Variants in STS observed in about 807,000 individuals in gnomAD.
The protein encoded by STS is steroid sulfatase.
Under a neutral mutation model 26.8 loss-of-function variants are expected in STS, and 7 were observed. The observed-to-expected ratio is 0.26, with a 90% CI of 0.15 to 0.49. The LOEUF (loss-of-function observed/expected upper bound fraction) is 0.49. Among genes scored for constraint, STS ranks in the 20% least tolerant of loss-of-function variants. The pLI is 0.98. For missense variants in STS, 434 were observed against 465.6 expected, an observed-to-expected ratio of 0.93 and a Z score of 0.63; for synonymous variants, 199 against 189.4, an observed-to-expected ratio of 1.05 and a Z score of -0.42.
At chrX:7,192,403 A>G (rs1933892007) in intron 2 of STS, among the ~76,000 whole-genome samples, 1 of 111,823 alleles carries the variant, frequency 8.9e-6, no homozygotes, top group South Asian at 3.7e-4. Flanking sequence ...ATTTCTACTA[A>G]AAATACAAAG....
At chrX:7,158,671 G>C (rs1388475478) in intron 1 of STS, among the ~76,000 whole-genome samples, 1 of 111,762 alleles carries the variant, frequency 8.9e-6, no homozygotes, top group Non-Finnish European at 1.9e-5. Context: ...TGTGCCCTCT[G>C]TTTCAGGACC....
At chrX:7,185,768 T>C (rs1352141979) in intron 1 of STS, among the ~76,000 whole-genome samples, 1 of 112,699 alleles carries the variant, frequency 8.9e-6, no homozygotes, top group Non-Finnish European at 1.9e-5. Flanking sequence ...ATGCTTGTTA[T>C]TAGATTACTC....
At chrX:7,340,645 T>G (rs1368345866) in intron 10 of STS, among the ~76,000 whole-genome samples, 1 of 112,038 alleles carries the variant, frequency 8.9e-6, no homozygotes, top group African/African-American at 3.2e-5. Flanking sequence ...AGTTTCAGAT[T>G]TGGCTGTAAC....
At chrX:7,338,265 G>T (rs1168574024) in intron 10 of STS, among the ~76,000 whole-genome samples, 1 of 111,723 alleles carries the variant, frequency 9.0e-6, no homozygotes, top group Non-Finnish European at 1.9e-5. Flanking sequence ...ATCTTAGAGG[G>T]TAGGTGGATA....
chrX:7,272,690 G>T (rs1439765622), intron 6 of STS, among the ~76,000 whole-genome samples: 1 of 111,842 alleles, frequency 8.9e-6, no homozygotes, highest in Non-Finnish European at 1.9e-5. Context: ...TCATCCAATA[G>T]CAGAGATTTG....
chrX:7,341,794 T>C (rs920726270), intron 10 of STS, among the ~76,000 whole-genome samples: 5 of 108,006 alleles, frequency 4.6e-5, no homozygotes, highest in African/African-American at 6.7e-5. Context: ...CATCATCTCT[T>C]TTTTTTTTTA....
chrX:7,204,323 T>G (rs1209589165), intron 2 of STS, among the ~76,000 whole-genome samples: 2 of 112,256 alleles, frequency 1.8e-5, no homozygotes, highest in Non-Finnish European at 3.8e-5. Context: ...ATTTTCCTTG[T>G]GTTTAAACTT....
At chrX:7,218,364 G>A (rs1190602519) in intron 2 of STS, among the ~76,000 whole-genome samples, 1 of 112,205 alleles carries the variant, frequency 8.9e-6, no homozygotes, top group East Asian at 2.8e-4. Flanking sequence ...ATTCTTCATC[G>A]TATGCCCTTC....
intron 1 of STS, among the ~76,000 whole-genome samples, chrX:7,176,015 C>CG (rs1202834117): frequency 9.0e-6 from 1 of 111,688 alleles, no homozygotes; most frequent in Non-Finnish European, 1.9e-5. Context: ...TTCCATGTTC[C>CG]TACCTTGCCT....
At chrX:7,180,010 G>T (rs1933650373) in intron 1 of STS, among the ~76,000 whole-genome samples, 1 of 111,431 alleles carries the variant, frequency 9.0e-6, no homozygotes, top group African/African-American at 3.3e-5. Flanking sequence ...TGCATATGAA[G>T]CATAGTCTTC....
intron 7 of STS, among the ~76,000 whole-genome samples, chrX:7,281,927 G>T (rs747350159): frequency 8.9e-6 from 1 of 112,422 alleles, no homozygotes; most frequent in Non-Finnish European, 1.9e-5. Flanking sequence ...ATACGTAGAA[G>T]ACATCTACTT....
chrX:7,253,262 G>A lies in STS; in HGVS notation c.63G>A (p.Arg21=), dbSNP rs776865103. Residue 21 remains arginine (R), a synonymous_variant, in exon 3 of 11, where the codon AGG becomes AGA. Coordinates refer to ENST00000674429, the MANE Select transcript of STS (RefSeq NM_001320752.2). ...LWEAESHAAS[R]PNIILVMADD... The stretch of plus-strand genomic sequence containing the variant: ...AAGCCGAGAGCCACGCAGCATCAAG[G>A]CCGAACATCATCCTGGTGATGGCTG... The A allele has an allele frequency of 3.3e-6, 4 of 1,209,557 alleles. No homozygotes were observed. Among genetic ancestry groups the A allele is most frequent in the Admixed American group, 4.4e-5 (2 of 45,674 alleles).
At chrX:7,229,534 G>A (rs1249797967) in intron 2 of STS, among the ~76,000 whole-genome samples, 2 of 110,861 alleles carry the variant, frequency 1.8e-5, no homozygotes, top group Admixed American at 9.6e-5. Flanking sequence ...GATTTGGAGT[G>A]CCTTGGAGGG....
intron 8 of STS, among the ~76,000 whole-genome samples, chrX:7,310,783 G>A (rs1255504614): frequency 4.5e-5 from 5 of 111,196 alleles, no homozygotes; most frequent in African/African-American, 1.3e-4. Context: ...AATCCAGGAC[G>A]TCATATGACA....
At chrX:7,267,608 G>A (rs1206258222) in intron 6 of STS, among the ~76,000 whole-genome samples, 1 of 111,988 alleles carries the variant, frequency 8.9e-6, no homozygotes, top group East Asian at 2.8e-4. Flanking sequence ...AAATATTTAA[G>A]TAAATCACTT....
chrX:7,324,350 A>G (rs1927260589), intron 8 of STS, among the ~76,000 whole-genome samples: 1 of 110,759 alleles, frequency 9.0e-6, no homozygotes, highest in South Asian at 3.9e-4. Flanking sequence ...AGCAGGCTTC[A>G]GAGAGAACAG....
intron 8 of STS, 32 bp from the exon 9 acceptor site, chrX:7,325,307 T>G (rs747269305): frequency 1.8e-5 from 22 of 1,205,419 alleles, no homozygotes; most frequent in Non-Finnish European, 2.5e-5. Context: ...GAAATCTCCC[T>G]GTTGCCTCTT....
intron 2 of STS, among the ~76,000 whole-genome samples, chrX:7,214,917 A>G (rs72609594): frequency 0.35 from 33,278 of 96,384 alleles, 4,865 homozygotes; most frequent in East Asian, 0.39. Context: ...TCATATATAT[A>G]TATGTGTGTG....
chrX:7,201,466 T>C (rs1191972424), intron 2 of STS, among the ~76,000 whole-genome samples: 1 of 111,206 alleles, frequency 9.0e-6, no homozygotes, highest in Non-Finnish European at 1.9e-5. Context: ...TTTAATTTTT[T>C]TTTGGCCAGA....
Sources: gnomAD v4.1 joint callset for allele counts (sites outside exome capture counted in the v4.1 genomes callset) on GRCh38, gnomAD v4.1.1 for gene constraint, MANE v1.5 for transcripts, NCBI Gene and HGNC (gene_info 2026-07-23, HGNC 2026-07-21) for gene names.